Variants in PRELID2 observed in about 807,000 individuals in gnomAD.
The protein encoded by PRELID2 is PRELI domain containing 2, also known as PRELI domain-containing protein 2.
A neutral mutation model predicts 28.4 loss-of-function variants in PRELID2; 25 were observed. The observed-to-expected ratio is 0.88, with a 90% CI of 0.64 to 1.23. The LOEUF (loss-of-function observed/expected upper bound fraction) is 1.23, where lower values mean the gene tolerates loss of function less well. Ranked by LOEUF, PRELID2 falls within the 50% of genes most tolerant of loss-of-function variation. PRELID2 has a pLI of 0.00. For missense variants in PRELID2, 201 were observed against 214.4 expected (o/e 0.94, Z 0.39); for synonymous variants, 76 against 71.6 (o/e 1.06, Z -0.31).
chr5:145,719,340 G>T (rs1354499363), intron 1 of PRELID2, among the ~76,000 whole-genome samples: 1 of 149,932 alleles, frequency 6.7e-6, no homozygotes, highest in African/African-American at 2.5e-5. Context: ...GACTCAAGGT[G>T]GCGGCCTCAG....
the PRELID2 span, among the ~76,000 whole-genome samples, chr5:145,251,187 C>T: frequency 6.6e-6 from 1 of 152,014 alleles, no homozygotes; most frequent in African/African-American, 2.4e-5. Flanking sequence ...ACATTATAGG[C>T]AAGGCTCCTT....
At chr5:145,362,676 T>A in the PRELID2 span, among the ~76,000 whole-genome samples, 1 of 152,144 alleles carries the variant, frequency 6.6e-6, no homozygotes, top group East Asian at 1.9e-4. Context: ...AAAATAGTTA[T>A]GATGAATTTT....
the PRELID2 span, among the ~76,000 whole-genome samples, chr5:145,415,034 G>T: frequency 1.3e-5 from 2 of 152,140 alleles, no homozygotes; most frequent in African/African-American, 2.4e-5. Flanking sequence ...CAAAATAACA[G>T]AATATACATT....
At chr5:145,821,152 G>GGTGTGTGTGTGTGTGTGTGTGT (rs70998038) in intron 2 of PRELID2, among the ~76,000 whole-genome samples, 2,943 of 88,092 alleles carry the variant, frequency 0.033, 216 homozygotes, top group Middle Eastern at 0.12. Context: ...AACTCTCCTG[G>GGTGTGTGTGTGTGTGTGTGTGT]GTGTGTGTGT....
At chr5:145,242,456 G>A in the PRELID2 span, among the ~76,000 whole-genome samples, 2 of 151,984 alleles carry the variant, frequency 1.3e-5, no homozygotes, top group Non-Finnish European at 2.9e-5. Context: ...CATCCCACAG[G>A]AGGGGATACT....
At chr5:145,300,286 AAAT>A in the PRELID2 span, among the ~76,000 whole-genome samples, 1 of 152,130 alleles carries the variant, frequency 6.6e-6, no homozygotes, top group East Asian at 1.9e-4. Context: ...TCATACCTGA[AAAT>A]AGTCATTTCC....
At chr5:145,285,401 C>T in the PRELID2 span, among the ~76,000 whole-genome samples, 36 of 152,228 alleles carry the variant, frequency 2.4e-4, no homozygotes, top group Admixed American at 1.4e-3. Context: ...TCCCCCGCTC[C>T]GCCCAGTTTC....
the PRELID2 span, among the ~76,000 whole-genome samples, chr5:145,249,929 C>CTCTCTG: frequency 6.7e-6 from 1 of 150,170 alleles, no homozygotes; most frequent in African/African-American, 2.5e-5. Context: ...CTCTCTCTCT[C>CTCTCTG]TCTCTCTGTC....
At chr5:145,349,650 A>G in the PRELID2 span, among the ~76,000 whole-genome samples, 1 of 152,186 alleles carries the variant, frequency 6.6e-6, no homozygotes, top group South Asian at 2.1e-4. Context: ...ATTAAAAAGA[A>G]TTCTCTATAG....
chr5:145,718,378 G>GA (rs560706690), intron 1 of PRELID2, among the ~76,000 whole-genome samples: 119 of 151,806 alleles, frequency 7.8e-4, no homozygotes, highest in African/African-American at 2.8e-3. Flanking sequence ...TATCTCTCCA[G>GA]AAAACAATCC....
the PRELID2 span, among the ~76,000 whole-genome samples, chr5:145,261,604 GT>G: frequency 6.6e-6 from 1 of 152,174 alleles, no homozygotes; most frequent in Non-Finnish European, 1.5e-5. Context: ...AATCACTGCA[GT>G]TCAGCTCTCA....
chr5:145,500,733 A>C (rs1183042671), intron 1 of PRELID2, among the ~76,000 whole-genome samples: 1 of 152,166 alleles, frequency 6.6e-6, no homozygotes, highest in Non-Finnish European at 1.5e-5. Context: ...CGAGGCATCA[A>C]AAGAAGCATG....
At chr5:145,461,459 C>T in the PRELID2 span, among the ~76,000 whole-genome samples, 1 of 152,158 alleles carries the variant, frequency 6.6e-6, no homozygotes, top group African/African-American at 2.4e-5. Context: ...CCCGCCACCA[C>T]ACCTGGATAA....
intron 1 of PRELID2, among the ~76,000 whole-genome samples, chr5:145,641,560 A>G (rs1431327594): frequency 6.6e-6 from 1 of 152,206 alleles, no homozygotes; most frequent in Admixed American, 6.5e-5. Flanking sequence ...TGTGCAGAAC[A>G]TGCAGTTTTG....
chr5:145,364,471 C>T, the PRELID2 span, among the ~76,000 whole-genome samples: 1 of 151,906 alleles, frequency 6.6e-6, no homozygotes, highest in African/African-American at 2.4e-5. Context: ...CCTGTTCCTC[C>T]ATTAGAATGT....
chr5:145,774,195 T>C (rs1316825683), intron 5 of PRELID2, among the ~76,000 whole-genome samples: 1 of 152,182 alleles, frequency 6.6e-6, no homozygotes, highest in Non-Finnish European at 1.5e-5. Context: ...TCCCGTGAGG[T>C]AAGACAGTTC....
chr5:145,548,733 G>T (rs576118271), intron 1 of PRELID2, among the ~76,000 whole-genome samples: 2 of 152,138 alleles, frequency 1.3e-5, no homozygotes, highest in Non-Finnish European at 1.5e-5. Context: ...TGCACCTTCA[G>T]TCTTGCCATC....
chr5:145,788,670 G>C (rs1393663892), intron 5 of PRELID2, among the ~76,000 whole-genome samples: 1 of 152,010 alleles, frequency 6.6e-6, no homozygotes, highest in African/African-American at 2.4e-5. Flanking sequence ...AGAGCAATTA[G>C]GCAAGAGAAA....
intron 1 of PRELID2, among the ~76,000 whole-genome samples, chr5:145,725,628 G>C (rs993663101): frequency 1.3e-5 from 2 of 152,148 alleles, no homozygotes; most frequent in Non-Finnish European, 2.9e-5. Flanking sequence ...CTACTAGAGA[G>C]TACTAAAGGA....
Sources: gnomAD v4.1 joint callset for allele counts (sites outside exome capture counted in the v4.1 genomes callset) on GRCh38, gnomAD v4.1.1 for gene constraint, MANE v1.5 for transcripts, NCBI Gene and HGNC (gene_info 2026-07-23, HGNC 2026-07-21) for gene names.